The following EFNA5 variants were observed in gnomAD, a reference collection of about 807,000 sequenced individuals.
EFNA5 encodes the protein ephrin A5.
Under a neutral mutation model 22.9 loss-of-function variants are expected in EFNA5, and 5 were observed. That is an observed-to-expected ratio of 0.22 (90% CI 0.11 to 0.46). The LOEUF is 0.46. Among genes scored for constraint, EFNA5 ranks in the 20% least tolerant of loss-of-function variants. The pLI, the probability that EFNA5 is intolerant of heterozygous loss-of-function variation, is 0.99. For missense variants in EFNA5, 237 were observed against 293.3 expected (o/e 0.81, Z 1.40); for synonymous variants, 113 against 112.2 (o/e 1.01, Z -0.04).
chr5:107,657,436 AC>A (rs1561462070), intron 1 of EFNA5, among the ~76,000 whole-genome samples: 1 of 152,098 alleles, frequency 6.6e-6, no homozygotes, highest in African/African-American at 2.4e-5. Context: ...CTGTTTGAGA[AC>A]CCTCGTTTAC....
At chr5:107,524,238 G>C (rs1010174456) in intron 1 of EFNA5, among the ~76,000 whole-genome samples, 2 of 152,212 alleles carry the variant, frequency 1.3e-5, no homozygotes, top group African/African-American at 4.8e-5. Context: ...TGGCAGGCCA[G>C]ATTTGTGAGC....
chr5:107,533,784 G>A (rs753850682), intron 1 of EFNA5, among the ~76,000 whole-genome samples: 6 of 152,168 alleles, frequency 3.9e-5, no homozygotes, highest in African/African-American at 1.4e-4. Context: ...ATATATATCA[G>A]CATCTTTGTC....
intron 1 of EFNA5, among the ~76,000 whole-genome samples, chr5:107,510,716 C>T (rs1333072915): frequency 6.6e-6 from 1 of 152,084 alleles, no homozygotes; most frequent in African/African-American, 2.4e-5. Context: ...TCATGAGGTG[C>T]TGAAGACCAG....
In EFNA5 at chr5:107,387,157, G is replaced by C. The variant is rs988925351; in HGVS notation, c.565+78C>G. On this transcript the variant is annotated intron_variant, in intron 4 of 4. Coordinates refer to ENST00000333274, the MANE Select transcript of EFNA5 (RefSeq NM_001962.3). ...CAACTATAACATGCAAACATGCAGA[G>C]AAGAAGAAAGGAAAAAAATACGGAA... The C allele has an allele frequency of 6.9e-6, 7 of 1,012,792 alleles. No homozygotes were observed. In the Admixed American group the frequency reaches 1.6e-4, roughly 23 times the overall value. The allele number at this position is 1,012,792 out of a possible 1,614,324, so 62.7% of individuals were successfully genotyped here. A position where few individuals can be genotyped will look rare whatever the true frequency, so the allele number is the denominator to read the frequency against.
At chr5:107,515,144 C>T (rs2112438057) in intron 1 of EFNA5, among the ~76,000 whole-genome samples, 2 of 152,242 alleles carry the variant, frequency 1.3e-5, no homozygotes, top group South Asian at 4.1e-4. Context: ...AAGTGATTCT[C>T]CTGCCTCAGC....
At position 107,538,651 on chromosome 5, in the gene EFNA5, A is replaced by G. The variant is rs145477347; in HGVS notation, c.126-111142T>C. 9.8e-4 allele frequency among the ~76,000 whole-genome samples: 149 copies of G among 152,256 alleles called. 1 individual carries two copies. The highest frequency in any genetic ancestry group is 3.5e-3 in the African/African-American group (145 of 41,542). ...TCATCTGACAGTTTGTGTAGTATCT[A>G]CTCTGTGGTAGGGTGGTGTAAGCCA... On this transcript the variant is annotated intron_variant, in intron 1 of 4. Coordinates refer to ENST00000333274, the MANE Select transcript of EFNA5 (RefSeq NM_001962.3).
intron 2 of EFNA5, among the ~76,000 whole-genome samples, chr5:107,393,585 G>T (rs1747841798): frequency 6.6e-6 from 1 of 152,138 alleles, no homozygotes; most frequent in Non-Finnish European, 1.5e-5. Flanking sequence ...TGAGTGTGTG[G>T]GGGAGCGTTA....
intron 1 of EFNA5, among the ~76,000 whole-genome samples, chr5:107,663,141 T>G (rs1459528477): frequency 2.0e-5 from 3 of 152,130 alleles, no homozygotes; most frequent in Non-Finnish European, 4.4e-5. Context: ...TTTAGTCCTT[T>G]TCTATCGTCC....
intron 1 of EFNA5, among the ~76,000 whole-genome samples, chr5:107,598,830 G>A (rs1749530100): frequency 6.6e-6 from 1 of 152,056 alleles, no homozygotes; most frequent in African/African-American, 2.4e-5. Context: ...ATATTTCACT[G>A]TATGGCAAAA....
chr5:107,634,704 T>C (rs1163736445), intron 1 of EFNA5, among the ~76,000 whole-genome samples: 2 of 145,904 alleles, frequency 1.4e-5, no homozygotes, highest in Non-Finnish European at 1.5e-5. Context: ...TAAGGGCGTA[T>C]ACCCACACCA....
At chr5:107,637,536 G>T (rs1354061461) in intron 1 of EFNA5, among the ~76,000 whole-genome samples, 4 of 151,658 alleles carry the variant, frequency 2.6e-5, no homozygotes, top group Admixed American at 2.0e-4. Context: ...GTGTGTGTGT[G>T]TGTGTGGGTT....
In EFNA5 at chr5:107,663,886, A is replaced by G. The variant is rs1364416698; in HGVS notation, c.125+6603T>C. On this transcript the variant is annotated intron_variant, in intron 1 of 4. Coordinates refer to ENST00000333274, the MANE Select transcript of EFNA5 (RefSeq NM_001962.3). Reference sequence around the variant, plus strand: ...AGACCTGACAGTAACATTTTCTTCAACCTGTCAACTGTCAATTGTATGAAG... The same window carrying G: ...AGACCTGACAGTAACATTTTCTTCAGCCTGTCAACTGTCAATTGTATGAAG... Among the ~76,000 whole-genome samples the G allele has an allele frequency of 2.6e-5, 4 of 152,232 alleles. No individual in the cohort carries two copies. In the East Asian group the frequency reaches 5.8e-4, roughly 22 times the overall value.
chr5:107,597,059 C>A (rs1749488385), intron 1 of EFNA5, among the ~76,000 whole-genome samples: 1 of 152,108 alleles, frequency 6.6e-6, no homozygotes, highest in South Asian at 2.1e-4. Flanking sequence ...TTAAAACACT[C>A]ATTTCTTTCA....
chr5:107,582,020 A>T (rs1473534430), intron 1 of EFNA5, among the ~76,000 whole-genome samples: 1 of 152,204 alleles, frequency 6.6e-6, no homozygotes, highest in African/African-American at 2.4e-5. Flanking sequence ...TTGCATAGGT[A>T]CCCAGAAAAA....
In EFNA5 at chr5:107,380,755, C is replaced by G. The variant is rs540508009; in HGVS notation, c.*500G>C. 304 of 399,580 alleles carry G rather than the reference C, an allele frequency of 7.6e-4. 2 individuals are homozygous for G. The highest frequency in any genetic ancestry group is 5.5e-3 in the African/African-American group (270 of 48,716). The allele number at this position is 399,580 out of a possible 1,614,324, so 24.8% of individuals were successfully genotyped here. A position where few individuals can be genotyped will look rare whatever the true frequency, so the allele number is the denominator to read the frequency against. ...TATTCTTAATACCTCCCCTCCGGAC[C>G]TGACATGGTGACATGATGCCCTGCG... On this transcript the variant is annotated 3_prime_UTR_variant, in exon 5 of 5. Coordinates refer to ENST00000333274, the MANE Select transcript of EFNA5 (RefSeq NM_001962.3).
At chr5:107,655,038 T>G (rs1264117763) in intron 1 of EFNA5, among the ~76,000 whole-genome samples, 1 of 152,068 alleles carries the variant, frequency 6.6e-6, no homozygotes, top group South Asian at 2.1e-4. Flanking sequence ...TGAGTAAGCC[T>G]GGCTAAGATG....
intron 1 of EFNA5, among the ~76,000 whole-genome samples, chr5:107,640,634 T>C (rs1750480239): frequency 6.6e-6 from 1 of 152,212 alleles, no homozygotes; most frequent in Admixed American, 6.5e-5. Context: ...AGAGAGATCA[T>C]TCAGCTTCAC....
At chr5:107,588,458 G>C (rs1229899629) in intron 1 of EFNA5, among the ~76,000 whole-genome samples, 1 of 152,096 alleles carries the variant, frequency 6.6e-6, no homozygotes, top group Non-Finnish European at 1.5e-5. Flanking sequence ...GATTCCGCTC[G>C]AGCCATGTTT....
intron 1 of EFNA5, among the ~76,000 whole-genome samples, chr5:107,583,041 C>G (rs1252673410): frequency 1.3e-5 from 2 of 152,098 alleles, no homozygotes; most frequent in African/African-American, 2.4e-5. Context: ...AGTTCAACAA[C>G]AAGGTCATGT....
Sources: gnomAD v4.1 joint callset for allele counts (sites outside exome capture counted in the v4.1 genomes callset) on GRCh38, gnomAD v4.1.1 for gene constraint, MANE v1.5 for transcripts, NCBI Gene and HGNC (gene_info 2026-07-23, HGNC 2026-07-21) for gene names.